The following CCDC18 variants were observed in gnomAD, a reference collection of about 807,000 sequenced individuals.
The protein encoded by CCDC18 is coiled-coil domain containing 18.
Under a neutral mutation model 196.0 loss-of-function variants are expected in CCDC18, and 157 were observed. That is an observed-to-expected ratio of 0.80 (90% CI 0.70 to 0.91). The LOEUF is 0.91. CCDC18 is among the 40% of genes least tolerant of loss of function. The pLI is 0.00. For missense variants in CCDC18, 1,465 were observed against 1,611.6 expected (o/e 0.91, Z 1.56); for synonymous variants, 482 against 529.2 (o/e 0.91, Z 1.22).
Position 93,226,317 on chromosome 1 carries a change from T to G in CCDC18, c.2176-16T>G. 1 of 1,067,600 alleles carries G rather than the reference T, an allele frequency of 9.4e-7. No individual in the cohort carries two copies. Among genetic ancestry groups the G allele is most frequent in the Non-Finnish European group, 1.3e-6 (1 of 742,418 alleles). The allele number at this position is 1,067,600 out of a possible 1,614,324, so 66.1% of individuals were successfully genotyped here. ...TTTTGTGTTTTTTTTTTTTTTTTGC[T>G]TTTTTTCCTGCTTAGGTTAGGCAAC... On this transcript the variant is annotated splice_polypyrimidine_tract_variant and intron_variant, in intron 16 of 28. Coordinates refer to ENST00000690025, the MANE Select transcript of CCDC18 (RefSeq NM_001378204.1).
At position 93,256,493 on chromosome 1, in the gene CCDC18, G is replaced by C; in HGVS notation, c.3501G>C (p.Arg1167Ser). The C allele has an allele frequency of 1.2e-6, 2 of 1,613,974 alleles. No individual in the cohort carries two copies. The highest frequency in any genetic ancestry group is 1.7e-6 in the Non-Finnish European group (2 of 1,179,938). ...TCCAAGCACAGAGAGAAATAGAAAG[G>C]CTCTCTAGTGAACTGGAGGATATGA... is the stretch of plus-strand genomic sequence containing the variant. ...QQVQAQREIE[R>S]LSSELEDMKQ... Residue 1167 changes from arginine (R) to serine (S), a missense_variant, in exon 25 of 29, where the codon AGG becomes AGC. Arg to Ser is a moderately radical substitution (Grantham distance 110). Transcript: ENST00000690025.
chr1:93,238,877 T>G (rs1660398241), intron 19 of CCDC18, among the ~76,000 whole-genome samples: 1 of 152,200 alleles, frequency 6.6e-6, no homozygotes, highest in Non-Finnish European at 1.5e-5. Flanking sequence ...AAAAAAAGGA[T>G]AGAACCAATA....
intron 10 of CCDC18, among the ~76,000 whole-genome samples, chr1:93,211,444 A>G (rs1218257264): frequency 6.6e-6 from 1 of 152,206 alleles, no homozygotes; most frequent in East Asian, 1.9e-4. Flanking sequence ...GTTTCTCCAA[A>G]TAAAAAATAA....
intron 26 of CCDC18, 180 bp from the exon 27 acceptor site, chr1:93,264,521 G>A: frequency 2.1e-6 from 1 of 465,682 alleles, no homozygotes; most frequent in Non-Finnish European, 3.8e-6. Flanking sequence ...GAAGATTATG[G>A]ATTCCTTTGT....
At position 93,184,035 on chromosome 1, in the gene CCDC18, A is replaced by G. The variant is rs1650205314; in HGVS notation, c.192A>G (p.Leu64=). ...YAPNPSRSEK[L]ILDVQPSHPG... Reference sequence around the variant, plus strand: ...CTAATCCTTCAAGGTCTGAAAAGCTAATTTTGGATGTTCAGCCTAGCCACC... The same window carrying G: ...CTAATCCTTCAAGGTCTGAAAAGCTGATTTTGGATGTTCAGCCTAGCCACC... The change falls in exon 3 of 29, where the codon CTA becomes CTG. Residue 64 remains leucine (L), a synonymous_variant. Transcript: ENST00000690025. 6.3e-7 allele frequency: 1 copy of G among 1,588,418 alleles called. No individual in the cohort carries two copies. The highest frequency in any genetic ancestry group is 2.3e-5 in the East Asian group (1 of 44,210).
At chr1:93,230,456 C>T (rs1340269214) in intron 17 of CCDC18, among the ~76,000 whole-genome samples, 1 of 150,854 alleles carries the variant, frequency 6.6e-6, no homozygotes. Flanking sequence ...CGCATCACTG[C>T]ACTCCAGCCT....
chr1:93,239,434 G>T lies in CCDC18; in HGVS notation c.2728G>T (p.Asp910Tyr). The change falls in exon 20 of 29, where the codon GAT becomes TAT. Residue 910 changes from aspartate (D) to tyrosine (Y), a missense_variant. Transcript: ENST00000690025. ...CCTCTCTCAATTAGATATGATCTTA[G>T]ATCAGACAAAGACAGAGCTAGAAAA... The part of the protein sequence containing the change: ...MHLSQLDMIL[D>Y]QTKTELEKKT... 1 of 1,612,756 alleles carries T rather than the reference G, an allele frequency of 6.2e-7. No homozygotes were observed. The highest frequency in any genetic ancestry group is 1.1e-5 in the South Asian group (1 of 90,940).
At chr1:93,212,492 C>T (rs1206640681) in intron 11 of CCDC18, among the ~76,000 whole-genome samples, 1 of 152,072 alleles carries the variant, frequency 6.6e-6, no homozygotes, top group Non-Finnish European at 1.5e-5. Context: ...TCCCTCCTTC[C>T]ACCCTCCACC....
intron 3 of CCDC18, among the ~76,000 whole-genome samples, chr1:93,184,826 G>A (rs1206116717): frequency 2.6e-5 from 4 of 151,858 alleles, no homozygotes; most frequent in Non-Finnish European, 4.4e-5. Context: ...TTTTTGTAAC[G>A]AATCTGCTTA....
chr1:93,180,596 G>T, upstream of CCDC18: 1 of 1,373,050 alleles, frequency 7.3e-7, no homozygotes, highest in Non-Finnish European at 9.7e-7. Flanking sequence ...GGCGGGCTCC[G>T]CTAGTGGGCT....
At chr1:93,180,588 C>G, upstream of CCDC18, 2 of 1,387,140 alleles carry the variant, frequency 1.4e-6, no homozygotes, top group Non-Finnish European at 1.9e-6. Context: ...TAGTCCCGGG[C>G]GGGCTCCGCT....
In CCDC18 at chr1:93,250,380, A is replaced by G. The variant is rs1227996212; in HGVS notation, c.3198+3426A>G. Among the ~76,000 whole-genome samples, 18 of 82,084 alleles carry G rather than the reference A, an allele frequency of 2.2e-4. No homozygotes were observed. The South Asian group carries it at 6.8e-3, about 31-fold the overall frequency. The allele number at this position is 82,084 out of a possible 152,430, so 53.9% of individuals were successfully genotyped here. On this transcript the variant is annotated intron_variant, in intron 23 of 28. Transcript: ENST00000690025. The stretch of plus-strand genomic sequence containing the variant: ...TGGGCATCAGAGTGAGACCCTGTCA[A>G]AAAAAAAAAAAAAAAAAGAAAAGAG...
At chr1:93,226,988 T>A (rs531550042) in intron 17 of CCDC18, among the ~76,000 whole-genome samples, 57 of 152,216 alleles carry the variant, frequency 3.7e-4, no homozygotes, top group African/African-American at 1.2e-3. Context: ...GAAGAATAAA[T>A]TATTAATATT....
upstream of CCDC18, chr1:93,180,078 C>T (rs756870052): frequency 1.7e-5 from 27 of 1,613,432 alleles, no homozygotes; most frequent in Non-Finnish European, 2.3e-5. Context: ...CCAGCGAGGC[C>T]TTCAGGGGCA....
At chr1:93,181,159 TAAAAA>T (rs71094239) in intron 1 of CCDC18, among the ~76,000 whole-genome samples, 1 of 89,858 alleles carries the variant, frequency 1.1e-5, no homozygotes. Flanking sequence ...TCTATAAAAT[TAAAAA>T]AAAAAAAAAA....
chr1:93,248,516 CT>C (rs1661795755), intron 23 of CCDC18, among the ~76,000 whole-genome samples: 1 of 152,134 alleles, frequency 6.6e-6, no homozygotes. Context: ...ATGAATTCCA[CT>C]TGGTTATGGT....
At chr1:93,254,442 C>T in intron 23 of CCDC18, 29 bp from the exon 24 acceptor site, 1 of 1,479,206 alleles carries the variant, frequency 6.8e-7, no homozygotes, top group Non-Finnish European at 9.2e-7. Context: ...ATTAATTTTA[C>T]TGATACTGCT....
intron 5 of CCDC18, among the ~76,000 whole-genome samples, chr1:93,192,428 G>A (rs1479571247): frequency 6.6e-6 from 1 of 152,122 alleles, no homozygotes; most frequent in Non-Finnish European, 1.5e-5. Context: ...ATGTAAAGGA[G>A]TCAGACACTT....
chr1:93,268,536 A>C (rs938966319), intron 27 of CCDC18, among the ~76,000 whole-genome samples: 4 of 151,990 alleles, frequency 2.6e-5, no homozygotes, highest in South Asian at 2.1e-4. Context: ...CTCATCTGAC[A>C]AAGGGCTAAT....
Sources: allele counts gnomAD v4.1 joint callset (sites outside exome capture counted in the v4.1 genomes callset), GRCh38; gene constraint gnomAD v4.1.1; transcripts MANE v1.5; gene names NCBI Gene and HGNC (gene_info 2026-07-23, HGNC 2026-07-21).